The following CSMD1 variants were observed in gnomAD, a reference collection of about 807,000 sequenced individuals.
The protein encoded by CSMD1 is CUB and sushi domain-containing protein 1.
CSMD1 carries 213 observed loss-of-function variants against 417.5 expected under a neutral mutation model. That is an observed-to-expected ratio of 0.51 (90% CI 0.46 to 0.57). The LOEUF is 0.57. CSMD1 is among the 20% of genes least tolerant of loss of function. CSMD1 has a pLI of 0.00. For synonymous variants in CSMD1, 2,862 were observed against 1,736.8 expected, an observed-to-expected ratio of 1.65 and a Z score of -16.11; for missense variants, 6,923 against 4,529.7, an observed-to-expected ratio of 1.53 and a Z score of -15.17.
In CSMD1 at chr8:3,552,149, C is replaced by G. The variant is rs1006029195; in HGVS notation, c.1344+22796G>C. Among the ~76,000 whole-genome samples, 3 of 152,172 alleles carry G rather than the reference C, an allele frequency of 2.0e-5. No homozygotes were observed. The East Asian group carries it at 5.8e-4, about 29-fold the overall frequency. ...AGGCACTTTGAATTCATCCCATCTT[C>G]TAAGAGAAAGAGGTGAGATTTTCTG... On this transcript the variant is annotated intron_variant, in intron 10 of 69. Coordinates refer to ENST00000635120, the MANE Select transcript of CSMD1 (RefSeq NM_033225.6).
intron 5 of CSMD1, among the ~76,000 whole-genome samples, chr8:3,793,790 T>C (rs2129068712): frequency 6.6e-6 from 1 of 152,298 alleles, no homozygotes; most frequent in South Asian, 2.1e-4. Context: ...CCTTGCCTTC[T>C]ACCTCCTTTT....
rs140465575 is a variant in CSMD1, at chr8:4,384,242, TAC to T, written c.415+35709_415+35710del. Among the ~76,000 whole-genome samples, 553 of 148,960 alleles carry T rather than the reference TAC, an allele frequency of 3.7e-3. 24 individuals carry two copies. The East Asian group carries it at 0.094, about 25-fold the overall frequency. ...TTCAAACAAGACAGAAGTGATAAAT[TAC>T]AGACTTTTTTTTTTGCCATTGCCAA... On this transcript the variant is annotated intron_variant, in intron 3 of 69. Transcript: ENST00000635120.
At chr8:4,883,189 T>C (rs1432534415) in intron 1 of CSMD1, among the ~76,000 whole-genome samples, 1 of 152,078 alleles carries the variant, frequency 6.6e-6, no homozygotes, top group Non-Finnish European at 1.5e-5. Context: ...TGCTGTAGAA[T>C]GCTAGCAGAA....
At chr8:3,684,101 AT>A in intron 7 of CSMD1, among the ~76,000 whole-genome samples, 1 of 146,012 alleles carries the variant, frequency 6.8e-6, no homozygotes, top group South Asian at 2.1e-4. Flanking sequence ...ATGTATAGAT[AT>A]TATATATTAT....
chr8:4,064,442 GT>G (rs1208757832), intron 3 of CSMD1, among the ~76,000 whole-genome samples: 1 of 152,218 alleles, frequency 6.6e-6, no homozygotes, highest in East Asian at 1.9e-4. Flanking sequence ...CTTTGCCCAA[GT>G]TTTAAATTTT....
At chr8:4,052,619 G>C (rs577098092) in intron 3 of CSMD1, among the ~76,000 whole-genome samples, 3 of 152,238 alleles carry the variant, frequency 2.0e-5, no homozygotes, top group South Asian at 2.1e-4. Context: ...ATTTAGACCA[G>C]TATTTCAACC....
chr8:3,717,720 A>G (rs1801923980), intron 6 of CSMD1, among the ~76,000 whole-genome samples: 2 of 152,210 alleles, frequency 1.3e-5, no homozygotes, highest in Non-Finnish European at 2.9e-5. Context: ...GAATAAAAAT[A>G]AAGTTGTTAA....
intron 5 of CSMD1, among the ~76,000 whole-genome samples, chr8:3,786,155 G>C (rs568186313): frequency 6.6e-6 from 1 of 152,148 alleles, no homozygotes; most frequent in African/African-American, 2.4e-5. Flanking sequence ...GGACACAGAG[G>C]AGCACCTGGT....
rs190555780 is a variant in CSMD1, at chr8:4,638,588, A to G, written c.86-1030T>C. ...TGGAGCAGAAAGGAAGGTGTACCAC[A>G]AAATGAGGGGACCAAGTAAAGAAAA... On this transcript the variant is annotated intron_variant, in intron 1 of 69. Transcript: ENST00000635120. 2.5e-3 allele frequency among the ~76,000 whole-genome samples: 375 copies of G among 152,316 alleles called. 1 individual carries two copies. Among genetic ancestry groups the G allele is most frequent in the African/African-American group, 8.7e-3 (362 of 41,562 alleles).
intron 3 of CSMD1, among the ~76,000 whole-genome samples, chr8:4,155,360 C>T (rs1796776841): frequency 6.6e-6 from 1 of 152,154 alleles, no homozygotes; most frequent in African/African-American, 2.4e-5. Flanking sequence ...TAAACAGCCA[C>T]GCTGCTTCTA....
intron 3 of CSMD1, among the ~76,000 whole-genome samples, chr8:4,168,228 C>G (rs938544299): frequency 4.0e-5 from 6 of 151,194 alleles, no homozygotes; most frequent in Admixed American, 3.3e-4. Context: ...CATATATACA[C>G]AAACACACAC....
At chr8:3,398,733 T>A (rs1585105512) in intron 16 of CSMD1, among the ~76,000 whole-genome samples, 1 of 152,198 alleles carries the variant, frequency 6.6e-6, no homozygotes, top group South Asian at 2.1e-4. Context: ...TAGTTTTTAA[T>A]CATCAATTTG....
chr8:4,347,757 C>T (rs1353829283), intron 3 of CSMD1, among the ~76,000 whole-genome samples: 1 of 151,900 alleles, frequency 6.6e-6, no homozygotes, highest in African/African-American at 2.4e-5. Context: ...CATGTATTGC[C>T]AAGTTGTATT....
intron 2 of CSMD1, among the ~76,000 whole-genome samples, chr8:4,441,362 C>T (rs996122108): frequency 1.4e-5 from 2 of 147,290 alleles, no homozygotes; most frequent in African/African-American, 5.0e-5. Flanking sequence ...ATCCTCCTGT[C>T]TGAGCCTCCT....
At position 4,412,841 on chromosome 8, in the gene CSMD1, A is replaced by G. The variant is rs1367444713; in HGVS notation, c.415+7112T>C. ...GGCCTGTATGTGAAACCAAATTGTAATGGAAGAATGCCTGCTCAAACAAGG... is the reference window on the plus strand; with the variant it reads ...GGCCTGTATGTGAAACCAAATTGTAGTGGAAGAATGCCTGCTCAAACAAGG... On this transcript the variant is annotated intron_variant, in intron 3 of 69. Transcript: ENST00000635120. 3.3e-5 allele frequency among the ~76,000 whole-genome samples: 5 copies of G among 152,178 alleles called. No individual in the cohort carries two copies. The South Asian group carries it at 6.2e-4, about 19-fold the overall frequency.
rs182885161 is a variant in CSMD1 at position 3,168,116 on chromosome 8, A to C, written c.5726-5839T>G. The stretch of plus-strand genomic sequence containing the variant: ...AAAACAAAAAAGTTGATAAGCAGAG[A>C]GTGAGGGAAGCAGACCCATGTGAAG... On this transcript the variant is annotated intron_variant, in intron 37 of 69. Transcript: ENST00000635120. Among the ~76,000 whole-genome samples the C allele has an allele frequency of 5.1e-3, 772 of 152,166 alleles. 7 individuals carry two copies. Among genetic ancestry groups the C allele is most frequent in the Non-Finnish European group, 5.3e-3 (363 of 67,998 alleles).
At chr8:3,228,068 T>C (rs1222240273) in intron 27 of CSMD1, among the ~76,000 whole-genome samples, 1 of 152,138 alleles carries the variant, frequency 6.6e-6, no homozygotes, top group African/African-American at 2.4e-5. Flanking sequence ...ACACCCAGAC[T>C]AAAACATTTT....
At chr8:4,619,384 G>C (rs906332305) in intron 2 of CSMD1, among the ~76,000 whole-genome samples, 11 of 152,180 alleles carry the variant, frequency 7.2e-5, no homozygotes, top group Non-Finnish European at 1.5e-5. Flanking sequence ...CCAGTTTTGA[G>C]TGAGGATTTC....
intron 2 of CSMD1, among the ~76,000 whole-genome samples, chr8:4,445,464 T>A (rs1368400981): frequency 6.6e-6 from 1 of 152,166 alleles, no homozygotes; most frequent in Admixed American, 6.5e-5. Context: ...CTCCAGTGAG[T>A]CACTTAAGAA....
Sources: allele counts gnomAD v4.1 joint callset (sites outside exome capture counted in the v4.1 genomes callset), GRCh38; gene constraint gnomAD v4.1.1; transcripts MANE v1.5; gene names NCBI Gene and HGNC (gene_info 2026-07-23, HGNC 2026-07-21).